EXT1: variants seen among roughly 807,000 people sequenced by gnomAD.
EXT1 encodes exostosin glycosyltransferase 1.
A neutral mutation model predicts 82.5 loss-of-function variants in EXT1; 20 were observed. The observed-to-expected ratio is 0.24, with a 90% CI of 0.17 to 0.35. The LOEUF is 0.35. Ranked by LOEUF, EXT1 falls within the 10% of genes least tolerant of loss-of-function variation. The pLI is 1.00. For synonymous variants in EXT1, 348 were observed against 350.8 expected, an observed-to-expected ratio of 0.99 and a Z score of 0.09; for missense variants, 757 against 936.5, an observed-to-expected ratio of 0.81 and a Z score of 2.50.
chr8:118,051,905 G>A (rs1462598998), intron 1 of EXT1, among the ~76,000 whole-genome samples: 6 of 152,268 alleles, frequency 3.9e-5, no homozygotes, highest in East Asian at 1.9e-4. Flanking sequence ...GAAGTCAGGC[G>A]TGGCCTTGCT....
In EXT1 at chr8:118,090,778, CAAAAAAAAAAAAAAAAA is replaced by C. The variant is rs11318164; in HGVS notation, c.962+19290_962+19306del. Among the ~76,000 whole-genome samples, 12 of 27,198 alleles carry C rather than the reference CAAAAAAAAAAAAAAAAA, an allele frequency of 4.4e-4. No homozygotes were observed. In the East Asian group the frequency reaches 6.9e-3, roughly 16 times the overall value. The allele number at this position is 27,198 out of a possible 152,430, so 17.8% of individuals were successfully genotyped here. ...TGGGTGAGACAGTGAGATTCTGTCTCAAAAAAAAAAAAAAAAAAAAAAAAAAAAAAAGCATGTGCCTG... is the reference window on the plus strand; with the variant it reads ...TGGGTGAGACAGTGAGATTCTGTCTCAAAAAAAAAAAAAAGCATGTGCCTG... On this transcript the variant is annotated intron_variant, in intron 1 of 10. Coordinates refer to ENST00000378204, the MANE Select transcript of EXT1 (RefSeq NM_000127.3).
chr8:118,010,281 A>C (rs1019078235), intron 1 of EXT1, among the ~76,000 whole-genome samples: 10 of 150,300 alleles, frequency 6.7e-5, no homozygotes, highest in African/African-American at 2.5e-4. Context: ...CTGAGGCAGG[A>C]GAATGGAGTG....
chr8:118,070,625 G>A (rs187687433), intron 1 of EXT1, among the ~76,000 whole-genome samples: 91 of 152,190 alleles, frequency 6.0e-4, no homozygotes, highest in Admixed American at 2.3e-3. Flanking sequence ...TAAACTTTAG[G>A]AGTTAAGACC....
intron 1 of EXT1, among the ~76,000 whole-genome samples, chr8:117,993,975 C>T (rs1815486364): frequency 6.6e-6 from 1 of 152,148 alleles, no homozygotes; most frequent in South Asian, 2.1e-4. Flanking sequence ...AAAGAGATGA[C>T]TCAAATTAAG....
intron 8 of EXT1, among the ~76,000 whole-genome samples, chr8:117,808,665 G>C (rs1823271133): frequency 6.6e-6 from 1 of 152,180 alleles, no homozygotes; most frequent in Non-Finnish European, 1.5e-5. Flanking sequence ...GGGGGACGGA[G>C]GGATGCTGCT....
chr8:118,028,107 G>A (rs887998598), intron 1 of EXT1, among the ~76,000 whole-genome samples: 1 of 152,178 alleles, frequency 6.6e-6, no homozygotes, highest in African/African-American at 2.4e-5. Context: ...TGTGGTCCCA[G>A]CCCCTAAAGG....
chr8:117,994,617 A>T (rs998145239), intron 1 of EXT1, among the ~76,000 whole-genome samples: 4 of 152,226 alleles, frequency 2.6e-5, no homozygotes, highest in African/African-American at 9.6e-5. Flanking sequence ...TCTCCAAAAG[A>T]AAAGGACTCT....
chr8:117,971,543 CTT>C (rs1814939813), intron 1 of EXT1, among the ~76,000 whole-genome samples: 1 of 152,140 alleles, frequency 6.6e-6, no homozygotes, highest in Admixed American at 6.5e-5. Context: ...AGACATTACT[CTT>C]TGAGCTTTAT....
chr8:117,893,610 G>A (rs928151002), intron 1 of EXT1, among the ~76,000 whole-genome samples: 4 of 152,312 alleles, frequency 2.6e-5, no homozygotes, highest in Admixed American at 1.3e-4. Context: ...CTAAACCCCC[G>A]TGATGCTGAA....
intron 1 of EXT1, among the ~76,000 whole-genome samples, chr8:118,009,591 A>G (rs17476366): frequency 0.022 from 3,336 of 152,306 alleles, 103 homozygotes; most frequent in African/African-American, 0.077. Context: ...GTGGCCTGTT[A>G]GGAACCGGGC....
chr8:117,826,437 T>C (rs766166451), intron 4 of EXT1, among the ~76,000 whole-genome samples: 1 of 152,196 alleles, frequency 6.6e-6, no homozygotes, highest in African/African-American at 2.4e-5. Flanking sequence ...TGAGTAACTA[T>C]GAATTATTCT....
intron 1 of EXT1, among the ~76,000 whole-genome samples, chr8:118,088,191 T>G (rs1296750565): frequency 6.6e-6 from 1 of 152,132 alleles, no homozygotes; most frequent in East Asian, 1.9e-4. Context: ...GGACTCATCT[T>G]GGGGAAACTA....
At chr8:118,091,860 G>C (rs755883545) in intron 1 of EXT1, among the ~76,000 whole-genome samples, 86 of 152,100 alleles carry the variant, frequency 5.7e-4, no homozygotes, top group African/African-American at 2.0e-3. Flanking sequence ...AAAAAATTAA[G>C]TAAATCTAAC....
chr8:117,872,462 G>A (rs572774610), intron 1 of EXT1, among the ~76,000 whole-genome samples: 1 of 151,978 alleles, frequency 6.6e-6, no homozygotes, highest in African/African-American at 2.4e-5. Flanking sequence ...TGACTGTATA[G>A]CTACAGATAA....
chr8:118,014,114 T>C (rs1586343687), intron 1 of EXT1, among the ~76,000 whole-genome samples: 1 of 152,198 alleles, frequency 6.6e-6, no homozygotes, highest in Non-Finnish European at 1.5e-5. Context: ...ATTACTAATA[T>C]TGACAGTTTC....
Position 117,847,429 on chromosome 8 carries a change from T to C in EXT1, c.963-10228A>G, listed in dbSNP as rs1295482851. ...TACAGGTCTGGCAGCTTGTTAAAAA[T>C]GTCATTTTCTCCCTGCACGCTGATG... is the stretch of plus-strand genomic sequence containing the variant. On this transcript the variant is annotated intron_variant, in intron 1 of 10. Coordinates refer to ENST00000378204, the MANE Select transcript of EXT1 (RefSeq NM_000127.3). 2.6e-5 allele frequency among the ~76,000 whole-genome samples: 4 copies of C among 152,206 alleles called. No individual in the cohort carries two copies. In the East Asian group the frequency reaches 7.7e-4, roughly 29 times the overall value.
chr8:118,098,598 A>G (rs773925628), intron 1 of EXT1, among the ~76,000 whole-genome samples: 2 of 152,066 alleles, frequency 1.3e-5, no homozygotes, highest in Admixed American at 1.3e-4. Flanking sequence ...CTACTAAAAA[A>G]TACAAAAAAA....
intron 1 of EXT1, among the ~76,000 whole-genome samples, chr8:117,937,075 T>C (rs1315975173): frequency 6.6e-6 from 1 of 152,068 alleles, no homozygotes; most frequent in African/African-American, 2.4e-5. Context: ...CATTATTACT[T>C]CCCCTGCCCA....
At chr8:117,924,007 T>C (rs1813908680) in intron 1 of EXT1, among the ~76,000 whole-genome samples, 1 of 152,200 alleles carries the variant, frequency 6.6e-6, no homozygotes, top group Non-Finnish European at 1.5e-5. Flanking sequence ...ATAGGTGTGT[T>C]CTGGCCTTAG....
Sources: allele counts gnomAD v4.1 joint callset (sites outside exome capture counted in the v4.1 genomes callset), GRCh38; gene constraint gnomAD v4.1.1; transcripts MANE v1.5; gene names NCBI Gene and HGNC (gene_info 2026-07-23, HGNC 2026-07-21).